The following DOCK3 variants were observed in gnomAD, a reference collection of about 807,000 sequenced individuals.
The protein encoded by DOCK3 is dedicator of cytokinesis 3.
Under a neutral mutation model 265.6 loss-of-function variants are expected in DOCK3, and 60 were observed. The ratio of observed to expected loss-of-function variants is 0.23; its 90% CI spans 0.18 to 0.28. The LOEUF (loss-of-function observed/expected upper bound fraction) is 0.28. Among genes scored for constraint, DOCK3 ranks in the 10% least tolerant of loss-of-function variants. The pLI is 1.00. For missense variants in DOCK3, 1,981 were observed against 2,594.3 expected, an observed-to-expected ratio of 0.76 and a Z score of 5.14; for synonymous variants, 881 against 938.0, an observed-to-expected ratio of 0.94 and a Z score of 1.11.
intron 27 of DOCK3, among the ~76,000 whole-genome samples, chr3:51,288,168 G>T (rs2081514602): frequency 6.6e-6 from 1 of 152,168 alleles, no homozygotes; most frequent in Non-Finnish European, 1.5e-5. Flanking sequence ...GATGCAGGGG[G>T]ATCATTTGTG....
Position 51,333,261 on chromosome 3 carries a change from C to G in DOCK3, c.3611+8C>G. ...ACGTCTTCTTGACTACAGGTATCTT[C>G]TCAGCCACCCGCTCCCCTCTTCCCT... On this transcript the variant is annotated splice_region_variant and intron_variant, in intron 35 of 52. Transcript: ENST00000266037. 6.2e-7 allele frequency: 1 copy of G among 1,611,312 alleles called. No individual in the cohort carries two copies.
At chr3:50,933,915 C>T in intron 4 of DOCK3, 66 bp from the exon 5 acceptor site, 1 of 1,042,586 alleles carries the variant, frequency 9.6e-7, no homozygotes, top group Non-Finnish European at 1.4e-6. Flanking sequence ...TAGAAAAAGA[C>T]AGGAGACAGT....
At chr3:50,894,273 T>G (rs1344045092) in intron 4 of DOCK3, among the ~76,000 whole-genome samples, 1 of 151,950 alleles carries the variant, frequency 6.6e-6, no homozygotes, top group African/African-American at 2.4e-5. Flanking sequence ...TCAGCAGATT[T>G]CTCCGCCAAA....
At chr3:51,139,249 T>A (rs2084936373) in intron 9 of DOCK3, among the ~76,000 whole-genome samples, 1 of 138,396 alleles carries the variant, frequency 7.2e-6, no homozygotes, top group African/African-American at 3.0e-5. Context: ...TCCACTCAAC[T>A]GCAGTGGGGG....
chr3:50,708,352 T>C (rs966483730), intron 1 of DOCK3, among the ~76,000 whole-genome samples: 2 of 152,190 alleles, frequency 1.3e-5, no homozygotes, highest in African/African-American at 4.8e-5. Context: ...TGGTGTGCTA[T>C]GCTGACCTTT....
intron 1 of DOCK3, among the ~76,000 whole-genome samples, chr3:50,765,941 C>T (rs953186915): frequency 2.0e-5 from 3 of 152,140 alleles, no homozygotes; most frequent in African/African-American, 7.2e-5. Flanking sequence ...GCCCCTGCCC[C>T]TGTCTCTGGT....
chr3:51,220,902 A>G (rs977012987), intron 14 of DOCK3, among the ~76,000 whole-genome samples: 54 of 151,900 alleles, frequency 3.6e-4, no homozygotes, highest in Non-Finnish European at 6.8e-4. Flanking sequence ...CTAATGAAAC[A>G]TTTGGCCCCA....
chr3:51,356,539 A>C (rs769818786), intron 43 of DOCK3, 46 bp downstream of exon 43: 1 of 1,584,942 alleles, frequency 6.3e-7, no homozygotes. Context: ...CTGCTCCATC[A>C]GCCCCAGCTC....
chr3:50,794,513 G>A (rs2042659651), intron 2 of DOCK3, among the ~76,000 whole-genome samples: 1 of 151,954 alleles, frequency 6.6e-6, no homozygotes, highest in Non-Finnish European at 1.5e-5. Context: ...TTTGATCTTC[G>A]TTGGTTTAAA....
At chr3:50,936,699 A>G (rs1180883073) in intron 5 of DOCK3, among the ~76,000 whole-genome samples, 6 of 152,222 alleles carry the variant, frequency 3.9e-5, no homozygotes, top group African/African-American at 1.4e-4. Flanking sequence ...TGAATTGTGT[A>G]TGCAGCAAAA....
At chr3:51,308,906 A>G (rs1360719474) in intron 27 of DOCK3, among the ~76,000 whole-genome samples, 33 of 138,836 alleles carry the variant, frequency 2.4e-4, no homozygotes, top group Admixed American at 1.2e-3. Context: ...CACTTCTCAG[A>G]CGGGGCGGCC....
chr3:50,733,288 G>A (rs2038333910), intron 1 of DOCK3, among the ~76,000 whole-genome samples: 1 of 151,948 alleles, frequency 6.6e-6, no homozygotes, highest in Admixed American at 6.6e-5. Flanking sequence ...ACTGATTTTT[G>A]GTCTGGATGG....
chr3:50,696,744 A>G (rs758407986), intron 1 of DOCK3, among the ~76,000 whole-genome samples: 26 of 152,172 alleles, frequency 1.7e-4, no homozygotes, highest in Non-Finnish European at 2.1e-4. Flanking sequence ...GGAAACCCGC[A>G]TATGCACAAG....
At chr3:51,377,073 C>T (rs1272036939) in intron 51 of DOCK3, among the ~76,000 whole-genome samples, 1 of 152,242 alleles carries the variant, frequency 6.6e-6, no homozygotes, top group African/African-American at 2.4e-5. Context: ...AGGCTTAGAG[C>T]TCAAACAGGT....
intron 5 of DOCK3, among the ~76,000 whole-genome samples, chr3:51,029,792 A>T (rs968921170): frequency 6.6e-6 from 1 of 152,192 alleles, no homozygotes; most frequent in Non-Finnish European, 1.5e-5. Context: ...CAGTGGCTCA[A>T]GGGTGGAGAA....
At chr3:50,949,146 A>G (rs186693393) in intron 5 of DOCK3, among the ~76,000 whole-genome samples, 10 of 152,328 alleles carry the variant, frequency 6.6e-5, no homozygotes, top group Admixed American at 1.3e-4. Context: ...AGCACAAACT[A>G]TAAAAGAAAA....
chr3:51,054,404 C>A lies in DOCK3; in HGVS notation c.316-10044C>A, dbSNP rs1050258328. Among the ~76,000 whole-genome samples, 18 of 152,100 alleles carry A rather than the reference C, an allele frequency of 1.2e-4. 1 individual carries two copies. The highest frequency in any genetic ancestry group is 9.2e-4 in the Admixed American group (14 of 15,278). ...TTTTATGAAAAATTTAGTAGTATCTCTTTGCCCCAGTGTTCTGAAATTTTA... is the reference window on the plus strand; with the variant it reads ...TTTTATGAAAAATTTAGTAGTATCTATTTGCCCCAGTGTTCTGAAATTTTA... On this transcript the variant is annotated intron_variant, in intron 5 of 52. Coordinates refer to ENST00000266037, the MANE Select transcript of DOCK3 (RefSeq NM_004947.5).
intron 1 of DOCK3, among the ~76,000 whole-genome samples, chr3:50,725,380 T>C (rs536025822): frequency 1.1e-4 from 16 of 152,272 alleles, no homozygotes; most frequent in African/African-American, 3.9e-4. Context: ...CCTAAACAGT[T>C]AGTAAAAGAG....
intron 5 of DOCK3, among the ~76,000 whole-genome samples, chr3:50,970,105 A>G (rs2077155101): frequency 6.6e-6 from 1 of 152,126 alleles, no homozygotes; most frequent in Non-Finnish European, 1.5e-5. Context: ...AAAGAAAAAA[A>G]CTATGAAAAT....
Sources: allele counts gnomAD v4.1 joint callset (sites outside exome capture counted in the v4.1 genomes callset), GRCh38; gene constraint gnomAD v4.1.1; transcripts MANE v1.5; gene names NCBI Gene and HGNC (gene_info 2026-07-23, HGNC 2026-07-21).